The following GALNTL6 variants were observed in gnomAD, a reference collection of about 807,000 sequenced individuals.
GALNTL6 encodes the protein polypeptide N-acetylgalactosaminyltransferase-like 6.
Under a neutral mutation model 73.7 loss-of-function variants are expected in GALNTL6, and 46 were observed. The ratio of observed to expected loss-of-function variants is 0.62; its 90% CI spans 0.49 to 0.80. GALNTL6 has a LOEUF of 0.80. Ranked by LOEUF, GALNTL6 falls within the 30% of genes least tolerant of loss-of-function variation. The probability of loss-of-function intolerance (pLI) is 0.00; values close to 1 mark genes in which losing one functional copy is unlikely to be tolerated. For missense variants in GALNTL6, 604 were observed against 755.0 expected, an observed-to-expected ratio of 0.80 and a Z score of 2.34; for synonymous variants, 259 against 263.7, an observed-to-expected ratio of 0.98 and a Z score of 0.17.
intron 5 of GALNTL6, among the ~76,000 whole-genome samples, chr4:172,662,448 A>G (rs1241336604): frequency 6.6e-6 from 1 of 152,166 alleles, no homozygotes; most frequent in Non-Finnish European, 1.5e-5. Flanking sequence ...GACTCATTAT[A>G]GTTTGTCTGC....
intron 2 of GALNTL6, among the ~76,000 whole-genome samples, chr4:172,053,015 A>C (rs1486652256): frequency 3.3e-5 from 5 of 152,204 alleles, no homozygotes; most frequent in African/African-American, 1.2e-4. Context: ...CAATGAAAGA[A>C]ACCTTACTAT....
chr4:173,026,997 T>C (rs1203321798), intron 12 of GALNTL6, among the ~76,000 whole-genome samples: 1 of 152,208 alleles, frequency 6.6e-6, no homozygotes, highest in African/African-American at 2.4e-5. Flanking sequence ...TAGATATATA[T>C]AATTTTTTGA....
At chr4:172,889,941 C>T (rs1034042028) in intron 8 of GALNTL6, among the ~76,000 whole-genome samples, 11 of 151,964 alleles carry the variant, frequency 7.2e-5, no homozygotes, top group African/African-American at 2.2e-4. Context: ...ACTCGATATT[C>T]GTCTATTCAG....
At chr4:172,972,384 CAAAT>C (rs751256571) in intron 10 of GALNTL6, among the ~76,000 whole-genome samples, 10 of 152,236 alleles carry the variant, frequency 6.6e-5, no homozygotes, top group Non-Finnish European at 1.2e-4. Flanking sequence ...ATGTTATAAA[CAAAT>C]AAGATTTTTG....
intron 3 of GALNTL6, among the ~76,000 whole-genome samples, 155 bp from the exon 4 acceptor site, chr4:172,311,459 A>C (rs559635017): frequency 6.6e-6 from 1 of 152,314 alleles, no homozygotes; most frequent in Admixed American, 6.5e-5. Flanking sequence ...TCATTTACTT[A>C]AAGGCAATTA....
chr4:172,071,051 GAAGT>G lies in GALNTL6; in HGVS notation c.139-158601_139-158598del, dbSNP rs796772165. On this transcript the variant is annotated intron_variant, in intron 2 of 12. Coordinates refer to ENST00000506823, the MANE Select transcript of GALNTL6 (RefSeq NM_001034845.3). The stretch of plus-strand genomic sequence containing the variant: ...ATACATTTTGAAAACAATTGCCTCA[GAAGT>G]AAGAGTCAGATCTGATGTAGCGAGG... Among the ~76,000 whole-genome samples, 22 of 109,964 alleles carry G rather than the reference GAAGT, an allele frequency of 2.0e-4. 5 individuals are homozygous for G. Among genetic ancestry groups the G allele is most frequent in the African/African-American group, 7.2e-4 (21 of 29,304 alleles). The allele number at this position is 109,964 out of a possible 152,430, so 72.1% of individuals were successfully genotyped here.
At chr4:171,995,229 A>G (rs1405828208) in intron 2 of GALNTL6, among the ~76,000 whole-genome samples, 1 of 152,024 alleles carries the variant, frequency 6.6e-6, no homozygotes, top group Admixed American at 6.6e-5. Flanking sequence ...AATATCAACC[A>G]TAAAGAGAGG....
intron 2 of GALNTL6, among the ~76,000 whole-genome samples, chr4:171,838,553 G>C (rs989642009): frequency 3.9e-5 from 6 of 152,040 alleles, no homozygotes; most frequent in African/African-American, 1.2e-4. Context: ...ATTTAGCACT[G>C]AGTTAAATAT....
chr4:172,918,493 C>T (rs1292437484), intron 8 of GALNTL6, among the ~76,000 whole-genome samples: 1 of 152,132 alleles, frequency 6.6e-6, no homozygotes, highest in African/African-American at 2.4e-5. Context: ...ACCAGTACTC[C>T]CTTTTCCTCT....
At chr4:172,982,672 C>G (rs577677724) in intron 10 of GALNTL6, among the ~76,000 whole-genome samples, 13 of 151,874 alleles carry the variant, frequency 8.6e-5, no homozygotes, top group African/African-American at 2.9e-4. Flanking sequence ...TGAATGGCAG[C>G]CCACAAAAAG....
At chr4:172,956,848 A>G (rs963012715) in intron 10 of GALNTL6, among the ~76,000 whole-genome samples, 5 of 152,110 alleles carry the variant, frequency 3.3e-5, no homozygotes, top group African/African-American at 1.2e-4. Context: ...TTTCCTGAAG[A>G]TTGAGGACAG....
intron 2 of GALNTL6, among the ~76,000 whole-genome samples, chr4:171,949,719 T>C (rs1416882536): frequency 6.6e-6 from 1 of 152,110 alleles, no homozygotes; most frequent in Non-Finnish European, 1.5e-5. Flanking sequence ...TAATAATTAA[T>C]GAATCACACA....
intron 5 of GALNTL6, among the ~76,000 whole-genome samples, chr4:172,593,724 G>GC (rs1737742490): frequency 6.6e-6 from 1 of 150,708 alleles, no homozygotes; most frequent in Non-Finnish European, 1.5e-5. Context: ...GTTTTTGTTT[G>GC]TTTTTTGTTT....
At chr4:171,940,622 G>A (rs1003402614) in intron 2 of GALNTL6, among the ~76,000 whole-genome samples, 5 of 151,946 alleles carry the variant, frequency 3.3e-5, no homozygotes, top group Non-Finnish European at 5.9e-5. Flanking sequence ...AGGAGTTTGA[G>A]ACCAGCCTGA....
intron 7 of GALNTL6, among the ~76,000 whole-genome samples, chr4:172,853,837 T>G (rs1743971995): frequency 6.6e-6 from 1 of 152,238 alleles, no homozygotes; most frequent in African/African-American, 2.4e-5. Flanking sequence ...CTGCCAAATA[T>G]TCTATGTAGT....
chr4:172,310,439 T>C (rs1740313656), intron 3 of GALNTL6, among the ~76,000 whole-genome samples: 1 of 152,004 alleles, frequency 6.6e-6, no homozygotes, highest in Admixed American at 6.6e-5. Context: ...CCTGCCTAAT[T>C]TTTGTATTTT....
At chr4:172,573,128 T>G (rs1736827386) in intron 5 of GALNTL6, among the ~76,000 whole-genome samples, 1 of 152,156 alleles carries the variant, frequency 6.6e-6, no homozygotes, top group African/African-American at 2.4e-5. Flanking sequence ...TGGCATCTTT[T>G]ACATCCAATT....
intron 2 of GALNTL6, among the ~76,000 whole-genome samples, chr4:171,903,314 G>C (rs928144978): frequency 6.6e-6 from 1 of 152,096 alleles, no homozygotes; most frequent in African/African-American, 2.4e-5. Context: ...AGCAGGGCGA[G>C]GCATTGCCTC....
chr4:171,879,237 T>C (rs1232982481), intron 2 of GALNTL6, among the ~76,000 whole-genome samples: 1 of 152,184 alleles, frequency 6.6e-6, no homozygotes, highest in Non-Finnish European at 1.5e-5. Context: ...AATGATGCTT[T>C]GAGATAGGTA....
Sources: allele counts gnomAD v4.1 joint callset (sites outside exome capture counted in the v4.1 genomes callset), GRCh38; gene constraint gnomAD v4.1.1; transcripts MANE v1.5; gene names NCBI Gene and HGNC (gene_info 2026-07-23, HGNC 2026-07-21).